The following RALYL variants were observed in gnomAD, a reference collection of about 807,000 sequenced individuals.
RALYL encodes RNA-binding Raly-like protein.
RALYL carries 29 observed loss-of-function variants against 35.1 expected under a neutral mutation model. That is an observed-to-expected ratio of 0.83 (90% CI 0.61 to 1.13). The LOEUF (loss-of-function observed/expected upper bound fraction) is 1.13, where lower values mean the gene tolerates loss of function less well. Among genes scored for constraint, RALYL ranks in the 50% most tolerant of loss-of-function variants. The pLI, the probability that RALYL is intolerant of heterozygous loss-of-function variation, is 0.00. For synonymous variants in RALYL, 120 were observed against 127.6 expected (o/e 0.94, Z 0.40); for missense variants, 359 against 360.4 (o/e 1.00, Z 0.03).
chr8:84,919,025 T>C (rs1444706718), intron 8 of RALYL, among the ~76,000 whole-genome samples: 1 of 152,016 alleles, frequency 6.6e-6, no homozygotes, highest in Non-Finnish European at 1.5e-5. Context: ...CTTAACAAAA[T>C]ACATAGTTGC....
intron 1 of RALYL, among the ~76,000 whole-genome samples, chr8:84,257,884 AAAG>A (rs1831491603): frequency 6.6e-6 from 1 of 152,206 alleles, no homozygotes; most frequent in African/African-American, 2.4e-5. Flanking sequence ...TTTGTGAAAA[AAAG>A]AACTGTCATT....
intron 4 of RALYL, among the ~76,000 whole-genome samples, chr8:84,842,981 G>T (rs1271662258): frequency 1.3e-5 from 2 of 152,036 alleles, no homozygotes; most frequent in African/African-American, 4.8e-5. Context: ...AATAATAAGA[G>T]CTATCTATAA....
chr8:84,825,721 A>G (rs1418893548), intron 4 of RALYL, among the ~76,000 whole-genome samples: 1 of 152,110 alleles, frequency 6.6e-6, no homozygotes, highest in Non-Finnish European at 1.5e-5. Flanking sequence ...TACAAAAATT[A>G]GCTGGGCATG....
chr8:84,706,792 T>G (rs1200298744), intron 2 of RALYL, among the ~76,000 whole-genome samples: 2 of 152,190 alleles, frequency 1.3e-5, no homozygotes, highest in African/African-American at 4.8e-5. Context: ...GGTAAAGCAA[T>G]ATGCCTCTCA....
At chr8:84,539,868 A>G (rs1163568534) in intron 2 of RALYL, among the ~76,000 whole-genome samples, 287 of 6,782 alleles carry the variant, frequency 0.042, no homozygotes, top group African/African-American at 0.1. Flanking sequence ...ATATATATAT[A>G]TATATATATG....
At chr8:84,396,261 A>G (rs754835260) in intron 1 of RALYL, among the ~76,000 whole-genome samples, 2 of 151,968 alleles carry the variant, frequency 1.3e-5, no homozygotes, top group Non-Finnish European at 2.9e-5. Context: ...CCTTCCCATG[A>G]TGGGCTCATT....
At chr8:84,819,097 C>T (rs7834426) in intron 4 of RALYL, among the ~76,000 whole-genome samples, 39,151 of 151,992 alleles carry the variant, frequency 0.26, 7,649 homozygotes, top group African/African-American at 0.54. Flanking sequence ...GATAAGGAGA[C>T]AAAGCCAATT....
At chr8:84,422,453 G>A (rs1311907156) in intron 1 of RALYL, among the ~76,000 whole-genome samples, 1 of 118,930 alleles carries the variant, frequency 8.4e-6, no homozygotes, top group African/African-American at 3.5e-5. Flanking sequence ...TTCTTTATTA[G>A]TCTTGCTAGC....
chr8:84,362,385 G>C (rs563434872), intron 1 of RALYL, among the ~76,000 whole-genome samples: 9 of 152,218 alleles, frequency 5.9e-5, no homozygotes, highest in African/African-American at 2.2e-4. Flanking sequence ...AGGGGTTTCA[G>C]ATATCTCAGC....
chr8:84,685,147 G>C (rs1249695454), intron 2 of RALYL, among the ~76,000 whole-genome samples: 1 of 152,086 alleles, frequency 6.6e-6, no homozygotes, highest in Non-Finnish European at 1.5e-5. Flanking sequence ...ATTGGAGGCT[G>C]GGGTTTTGAC....
At chr8:84,288,938 A>C (rs1305836826) in intron 1 of RALYL, among the ~76,000 whole-genome samples, 1 of 152,160 alleles carries the variant, frequency 6.6e-6, no homozygotes, top group East Asian at 1.9e-4. Flanking sequence ...TTTTATTTAA[A>C]GCTATCACAA....
chr8:84,424,007 T>C (rs1417459329), intron 1 of RALYL, among the ~76,000 whole-genome samples: 2 of 151,908 alleles, frequency 1.3e-5, no homozygotes, highest in African/African-American at 4.8e-5. Flanking sequence ...TCAACTTTGG[T>C]GAATCTGACA....
chr8:84,747,195 T>C (rs1295264986), intron 2 of RALYL, among the ~76,000 whole-genome samples: 2 of 151,852 alleles, frequency 1.3e-5, no homozygotes, highest in African/African-American at 4.8e-5. Flanking sequence ...ATGATTGTTT[T>C]CTCTTTTAAT....
intron 1 of RALYL, among the ~76,000 whole-genome samples, chr8:84,356,414 GT>G (rs1475829245): frequency 6.7e-6 from 1 of 150,288 alleles, no homozygotes; most frequent in Non-Finnish European, 1.5e-5. Flanking sequence ...CGATACACTG[GT>G]TCAGGCCCTT....
At position 84,495,637 on chromosome 8, in the gene RALYL, T is replaced by G. The variant is rs62528186; in HGVS notation, c.-23-33662T>G. Among the ~76,000 whole-genome samples, 259 of 152,226 alleles carry G rather than the reference T, an allele frequency of 1.7e-3. 4 individuals carry two copies. Among genetic ancestry groups the G allele is most frequent in the Non-Finnish European group, 2.4e-3 (166 of 67,982 alleles). Reference sequence around the variant, plus strand: ...AAGGTATGTGATATTTGAAAATAATTTTAACTATCTCATTGACCTTTCATT... The same window carrying G: ...AAGGTATGTGATATTTGAAAATAATGTTAACTATCTCATTGACCTTTCATT... On this transcript the variant is annotated intron_variant, in intron 1 of 8. Coordinates refer to ENST00000521268, the MANE Select transcript of RALYL (RefSeq NM_173848.7).
At chr8:84,552,119 GT>G (rs35344751) in intron 2 of RALYL, among the ~76,000 whole-genome samples, 53,751 of 142,324 alleles carry the variant, frequency 0.38, 9,895 homozygotes, top group South Asian at 0.53. Flanking sequence ...AGGAGAGGAA[GT>G]TTTTTTTTTT....
chr8:84,772,244 C>A (rs1815729826), intron 2 of RALYL, among the ~76,000 whole-genome samples: 1 of 152,042 alleles, frequency 6.6e-6, no homozygotes, highest in African/African-American at 2.4e-5. Flanking sequence ...ATTACTACAG[C>A]CTTAATTACC....
At chr8:84,543,321 G>A (rs2060137621) in intron 2 of RALYL, among the ~76,000 whole-genome samples, 1 of 150,376 alleles carries the variant, frequency 6.6e-6, no homozygotes, top group African/African-American at 2.4e-5. Flanking sequence ...TTACATATTT[G>A]ATTACCATGA....
At chr8:84,389,548 A>T (rs1860106979) in intron 1 of RALYL, among the ~76,000 whole-genome samples, 1 of 150,614 alleles carries the variant, frequency 6.6e-6, no homozygotes, top group Non-Finnish European at 1.5e-5. Context: ...CTCCTTGAAG[A>T]GGTCCTTCAC....
Sources: allele counts gnomAD v4.1 joint callset (sites outside exome capture counted in the v4.1 genomes callset), GRCh38; gene constraint gnomAD v4.1.1; transcripts MANE v1.5; gene names NCBI Gene and HGNC (gene_info 2026-07-23, HGNC 2026-07-21).